The following DLG2 variants were observed in gnomAD, a reference collection of about 807,000 sequenced individuals.
DLG2 encodes the protein discs large MAGUK scaffold protein 2, also known as disks large homolog 2.
Under a neutral mutation model 132.5 loss-of-function variants are expected in DLG2, and 45 were observed. The observed-to-expected ratio is 0.34, with a 90% CI of 0.27 to 0.44. The LOEUF is 0.44. DLG2 is among the 20% of genes least tolerant of loss of function. DLG2 has a pLI of 1.00. For synonymous variants in DLG2, 424 were observed against 419.6 expected (o/e 1.01, Z -0.13); for missense variants, 1,045 against 1,196.9 (o/e 0.87, Z 1.87).
At chr11:84,626,881 T>TTTATTTTATTTTA (rs1555110325) in intron 6 of DLG2, among the ~76,000 whole-genome samples, 6,728 of 147,032 alleles carry the variant, frequency 0.046, 270 homozygotes, top group Non-Finnish European at 0.057. Context: ...TTTATTTTAT[T>TTTATTTTATTTTA]TTATTTTTGA....
In DLG2 at chr11:85,323,402, G is replaced by A. The variant is rs114634850; in HGVS notation, c.41-38037C>T. On this transcript the variant is annotated intron_variant, in intron 3 of 27. Coordinates refer to ENST00000376104, the MANE Select transcript of DLG2 (RefSeq NM_001142699.3). Reference sequence around the variant, plus strand: ...TTGACATATAATTTTACATGTTTATGGGGCACATATGTTTTGATACATGCA... The same window carrying A: ...TTGACATATAATTTTACATGTTTATAGGGCACATATGTTTTGATACATGCA... Among the ~76,000 whole-genome samples, 331 of 152,216 alleles carry A rather than the reference G, an allele frequency of 2.2e-3. 1 individual carries two copies. The highest frequency in any genetic ancestry group is 7.7e-3 in the African/African-American group (321 of 41,532).
chr11:85,569,458 T>C (rs1181753019), intron 3 of DLG2, among the ~76,000 whole-genome samples: 2 of 152,236 alleles, frequency 1.3e-5, no homozygotes, highest in African/African-American at 2.4e-5. Context: ...ATTTCACTTG[T>C]AAATTCTTCT....
intron 11 of DLG2, among the ~76,000 whole-genome samples, chr11:84,014,902 C>A (rs542746631): frequency 6.6e-6 from 1 of 151,988 alleles, no homozygotes; most frequent in Admixed American, 6.6e-5. Flanking sequence ...CAGCATATCT[C>A]CACCCTCGAG....
intron 6 of DLG2, among the ~76,000 whole-genome samples, chr11:84,578,412 G>C (rs886915650): frequency 6.6e-5 from 10 of 152,158 alleles, no homozygotes; most frequent in African/African-American, 2.4e-4. Context: ...CAAAGCCACA[G>C]AGGCAGAGCT....
chr11:84,927,838 G>C (rs2047581246), intron 6 of DLG2, among the ~76,000 whole-genome samples: 1 of 151,768 alleles, frequency 6.6e-6, no homozygotes, highest in African/African-American at 2.4e-5. Context: ...GCAGTCTTTG[G>C]GCTAGGTGCA....
In DLG2 at chr11:84,744,417, T is replaced by A. The variant is rs117185421; in HGVS notation, c.358-209686A>T. Among the ~76,000 whole-genome samples the A allele has an allele frequency of 6.1e-3, 923 of 152,310 alleles. 4 individuals carry two copies. Among genetic ancestry groups the A allele is most frequent in the Non-Finnish European group, 0.01 (694 of 68,032 alleles). ...TATGTATCATGCTGTGGCAAATTTC[T>A]GCATGAAAGAAAATCTGAAAATTTA... On this transcript the variant is annotated intron_variant, in intron 6 of 27. Transcript: ENST00000376104.
chr11:84,759,928 C>T (rs1392235427), intron 6 of DLG2, among the ~76,000 whole-genome samples: 1 of 151,924 alleles, frequency 6.6e-6, no homozygotes, highest in African/African-American at 2.4e-5. Context: ...ACACCTGTAA[C>T]AAGCATATAA....
intron 11 of DLG2, among the ~76,000 whole-genome samples, chr11:84,015,647 G>A (rs1433858176): frequency 6.6e-6 from 1 of 152,062 alleles, no homozygotes; most frequent in African/African-American, 2.4e-5. Context: ...TTGGTTTTCT[G>A]TTCTTGTGTT....
intron 12 of DLG2, among the ~76,000 whole-genome samples, chr11:83,978,332 A>G (rs1197736405): frequency 6.6e-6 from 1 of 152,078 alleles, no homozygotes; most frequent in African/African-American, 2.4e-5. Flanking sequence ...GTCAAAGGTC[A>G]AACCAGTAAC....
intron 16 of DLG2, among the ~76,000 whole-genome samples, chr11:83,861,284 T>G (rs2061413078): frequency 1.3e-5 from 2 of 152,168 alleles, no homozygotes; most frequent in South Asian, 4.1e-4. Flanking sequence ...TTGGTGGGAA[T>G]GTAAATTAGT....
intron 11 of DLG2, among the ~76,000 whole-genome samples, chr11:84,040,947 AG>A (rs2096061344): frequency 6.6e-6 from 1 of 151,524 alleles, no homozygotes; most frequent in Non-Finnish European, 1.5e-5. Context: ...ATCCCTTGTA[AG>A]TTGGATTCCT....
chr11:83,946,512 G>A, intron 14 of DLG2, among the ~76,000 whole-genome samples: 1 of 152,178 alleles, frequency 6.6e-6, no homozygotes, highest in East Asian at 1.9e-4. Context: ...TATCAGAGTT[G>A]AGAACTACAA....
At chr11:84,410,150 T>C (rs192012406) in intron 7 of DLG2, among the ~76,000 whole-genome samples, 10 of 152,266 alleles carry the variant, frequency 6.6e-5, no homozygotes, top group African/African-American at 2.4e-4. Flanking sequence ...ACAACAAACA[T>C]GTGAAGTGGG....
At chr11:84,580,735 T>C (rs2099514392) in intron 6 of DLG2, among the ~76,000 whole-genome samples, 4 of 152,224 alleles carry the variant, frequency 2.6e-5, no homozygotes, top group African/African-American at 7.2e-5. Context: ...GGCATGAATA[T>C]AGTATTTTGG....
chr11:84,715,520 C>T (rs1310904711), intron 6 of DLG2, among the ~76,000 whole-genome samples: 1 of 152,030 alleles, frequency 6.6e-6, no homozygotes, highest in Non-Finnish European at 1.5e-5. Flanking sequence ...TTCCTGCAAC[C>T]CACATCTTCA....
intron 6 of DLG2, among the ~76,000 whole-genome samples, chr11:84,866,471 C>G (rs182124521): frequency 6.6e-6 from 1 of 152,150 alleles, no homozygotes; most frequent in Admixed American, 6.6e-5. Flanking sequence ...AGAAAAGAAT[C>G]AGAGTGCGAG....
intron 7 of DLG2, among the ~76,000 whole-genome samples, chr11:84,321,109 A>C (rs937709349): frequency 6.6e-6 from 1 of 152,212 alleles, no homozygotes; most frequent in Non-Finnish European, 1.5e-5. Context: ...AGATTAAACT[A>C]ATGTCACTTC....
At chr11:84,281,010 C>T (rs2097849545) in intron 7 of DLG2, among the ~76,000 whole-genome samples, 2 of 151,692 alleles carry the variant, frequency 1.3e-5, no homozygotes, top group Non-Finnish European at 2.9e-5. Flanking sequence ...CGTGAGCCAC[C>T]GTGCCCGGCC....
intron 18 of DLG2, among the ~76,000 whole-genome samples, chr11:83,674,574 C>T (rs1248093102): frequency 6.6e-6 from 1 of 152,200 alleles, no homozygotes; most frequent in Non-Finnish European, 1.5e-5. Context: ...TGTCACCCTT[C>T]CACTATTTTT....
Sources: gnomAD v4.1 joint callset for allele counts (sites outside exome capture counted in the v4.1 genomes callset) on GRCh38, gnomAD v4.1.1 for gene constraint, MANE v1.5 for transcripts, NCBI Gene and HGNC (gene_info 2026-07-23, HGNC 2026-07-21) for gene names.